The following CTTNBP2 variants were observed in gnomAD, a reference collection of about 807,000 sequenced individuals.
CTTNBP2 encodes the protein cortactin-binding protein 2.
A neutral mutation model predicts 156.9 loss-of-function variants in CTTNBP2; 108 were observed. The ratio of observed to expected loss-of-function variants is 0.69; its 90% CI spans 0.59 to 0.81. The LOEUF (loss-of-function observed/expected upper bound fraction) is 0.81, where lower values mean the gene tolerates loss of function less well. Among genes scored for constraint, CTTNBP2 ranks in the 30% least tolerant of loss-of-function variants. CTTNBP2 has a pLI of 0.00. For synonymous variants in CTTNBP2, 767 were observed against 751.8 expected, an observed-to-expected ratio of 1.02 and a Z score of -0.33; for missense variants, 1,924 against 2,035.4, an observed-to-expected ratio of 0.95 and a Z score of 1.05.
Position 117,791,875 on chromosome 7 carries a change from G to A in CTTNBP2, c.1321C>T (p.Leu441=). Residue 441 remains leucine, a synonymous_variant, in exon 4 of 23, where the codon CTA becomes TTA. Transcript: ENST00000160373. ...PCANTSLHPG[L]NPRIQAARFR... ...CTAGCTGCTTGGATTCGTGGGTTTA[G>A]ACCTGGATGCAAAGAGGTGTTGGCA... The A allele has an allele frequency of 6.2e-7, 1 of 1,614,176 alleles. No individual in the cohort carries two copies. The highest frequency in any genetic ancestry group is 8.5e-7 in the Non-Finnish European group (1 of 1,180,042).
chr7:117,812,077 T>C (rs905167713), intron 2 of CTTNBP2, among the ~76,000 whole-genome samples: 2 of 152,002 alleles, frequency 1.3e-5, no homozygotes. Context: ...GTTCACAGAA[T>C]CCCAGGAAAG....
chr7:117,768,581 A>AAAAAAAAAAAAAG (rs1554419704), intron 8 of CTTNBP2, among the ~76,000 whole-genome samples: 3 of 99,118 alleles, frequency 3.0e-5, no homozygotes, highest in African/African-American at 1.4e-4. Context: ...AAAAAAAAAA[A>AAAAAAAAAAAAAG]AAAGAAAGAA....
intron 4 of CTTNBP2, among the ~76,000 whole-genome samples, chr7:117,786,931 G>C (rs560849659): frequency 6.6e-6 from 1 of 152,018 alleles, no homozygotes; most frequent in East Asian, 1.9e-4. Context: ...CAGAACTACA[G>C]AAGATATATC....
At chr7:117,725,512 A>C (rs1795041781) in intron 17 of CTTNBP2, among the ~76,000 whole-genome samples, 1 of 152,214 alleles carries the variant, frequency 6.6e-6, no homozygotes, top group Non-Finnish European at 1.5e-5. Context: ...TCAATGCTTG[A>C]GTGCTGAGTG....
rs868393993 is a variant in CTTNBP2 at position 117,719,091 on chromosome 7, T to C, written c.4644+413A>G. Among the ~76,000 whole-genome samples the C allele has an allele frequency of 3.3e-5, 5 of 152,230 alleles. 1 individual carries two copies. In the East Asian group the frequency reaches 9.7e-4, roughly 29 times the overall value. Reference sequence around the variant, plus strand: ...GGGACACACCTGTAATCCCAGCTACTTGGGAGGCTGAGGCAGGGAGAACTG... The same window carrying C: ...GGGACACACCTGTAATCCCAGCTACCTGGGAGGCTGAGGCAGGGAGAACTG... On this transcript the variant is annotated intron_variant, in intron 21 of 22. Transcript: ENST00000160373.
chr7:117,742,058 G>A (rs1796050926), intron 14 of CTTNBP2, among the ~76,000 whole-genome samples: 1 of 152,148 alleles, frequency 6.6e-6, no homozygotes, highest in African/African-American at 2.4e-5. Context: ...GTTGGGTAGA[G>A]CCCAGAAGTA....
intron 4 of CTTNBP2, among the ~76,000 whole-genome samples, chr7:117,787,491 A>G (rs1798764868): frequency 6.6e-6 from 1 of 152,216 alleles, no homozygotes; most frequent in Non-Finnish European, 1.5e-5. Flanking sequence ...TTTTTAAAAG[A>G]TATGTTTCAA....
intron 11 of CTTNBP2, among the ~76,000 whole-genome samples, chr7:117,757,528 T>TAAAAAAAA (rs56687697): frequency 3.3e-5 from 3 of 91,442 alleles, no homozygotes; most frequent in Non-Finnish European, 4.5e-5. Flanking sequence ...TTAAGCACAG[T>TAAAAAAAA]AAAAAAAAAA....
intron 9 of CTTNBP2, among the ~76,000 whole-genome samples, chr7:117,764,683 TG>T (rs1797382753): frequency 6.6e-6 from 1 of 152,226 alleles, no homozygotes; most frequent in African/African-American, 2.4e-5. Flanking sequence ...AAGTGCTACT[TG>T]GTACCTTTAA....
chr7:117,834,539 G>A (rs1016713843), intron 2 of CTTNBP2, among the ~76,000 whole-genome samples: 46 of 152,252 alleles, frequency 3.0e-4, no homozygotes, highest in African/African-American at 8.9e-4. Context: ...TGATGGGAAA[G>A]TGCAGATCTA....
At chr7:117,775,783 A>G (rs1798063889) in intron 8 of CTTNBP2, among the ~76,000 whole-genome samples, 1 of 152,224 alleles carries the variant, frequency 6.6e-6, no homozygotes, top group South Asian at 2.1e-4. Context: ...TACATTTTCC[A>G]TCTTTGTCTC....
intron 8 of CTTNBP2, among the ~76,000 whole-genome samples, chr7:117,775,835 T>C (rs1378662197): frequency 1.3e-5 from 2 of 152,208 alleles, no homozygotes; most frequent in Non-Finnish European, 2.9e-5. Flanking sequence ...TCCATTCAAA[T>C]CATACAAACA....
chr7:117,767,914 A>G (rs929281150), intron 8 of CTTNBP2, among the ~76,000 whole-genome samples: 1 of 152,190 alleles, frequency 6.6e-6, no homozygotes, highest in African/African-American at 2.4e-5. Flanking sequence ...AAATAAGCAC[A>G]TGGCAAGATG....
chr7:117,809,531 T>A (rs1451121262), intron 3 of CTTNBP2, among the ~76,000 whole-genome samples: 1 of 152,224 alleles, frequency 6.6e-6, no homozygotes, highest in Non-Finnish European at 1.5e-5. Context: ...CCTCCACATA[T>A]CTTAGTGGTT....
At chr7:117,779,349 C>T (rs1386972078) in intron 7 of CTTNBP2, among the ~76,000 whole-genome samples, 1 of 152,132 alleles carries the variant, frequency 6.6e-6, no homozygotes, top group African/African-American at 2.4e-5. Context: ...TATTATAAGG[C>T]ACAAGACATA....
chr7:117,812,555 A>G (rs1290554967), intron 2 of CTTNBP2, among the ~76,000 whole-genome samples: 1 of 152,122 alleles, frequency 6.6e-6, no homozygotes, highest in African/African-American at 2.4e-5. Context: ...AAAATTTACA[A>G]AAAGTCCAGT....
chr7:117,835,483 C>T (rs187711120), intron 2 of CTTNBP2, among the ~76,000 whole-genome samples: 2 of 152,288 alleles, frequency 1.3e-5, no homozygotes, highest in African/African-American at 4.8e-5. Flanking sequence ...CAGATTCAAA[C>T]AAGGCAAACA....
intron 8 of CTTNBP2, among the ~76,000 whole-genome samples, chr7:117,774,144 C>G (rs952380148): frequency 4.6e-5 from 7 of 152,140 alleles, no homozygotes; most frequent in Admixed American, 2.6e-4. Flanking sequence ...GTTCAGCAGC[C>G]TCTCTGGAAT....
intron 10 of CTTNBP2, among the ~76,000 whole-genome samples, chr7:117,760,027 C>T (rs192298541): frequency 6.6e-4 from 100 of 152,302 alleles, no homozygotes; most frequent in Admixed American, 1.6e-3. Context: ...GTCTAGACTT[C>T]ATCAGAAAAT....
Sources: allele counts gnomAD v4.1 joint callset (sites outside exome capture counted in the v4.1 genomes callset), GRCh38; gene constraint gnomAD v4.1.1; transcripts MANE v1.5; gene names NCBI Gene and HGNC (gene_info 2026-07-23, HGNC 2026-07-21).